PXT1: variants seen among roughly 807,000 people sequenced by gnomAD.
PXT1 encodes peroxisomal testis enriched protein 1, also known as peroxisomal testis-specific protein 1.
In PXT1, 11 loss-of-function variants were observed where a neutral mutation model predicts 11.0. The ratio of observed to expected loss-of-function variants is 1.00; its 90% confidence interval spans 0.63 to 1.66. The LOEUF is 1.66. Ranked by LOEUF, PXT1 falls within the 40% of genes most tolerant of loss-of-function variation. The probability of loss-of-function intolerance (pLI) is 0.00; values close to 1 mark genes in which losing one functional copy is unlikely to be tolerated. For missense variants in PXT1, 141 were observed against 155.5 expected, an observed-to-expected ratio of 0.91 and a Z score of 0.49; for synonymous variants, 43 against 51.4, an observed-to-expected ratio of 0.84 and a Z score of 0.70.
chr6:36,418,245 G>A (rs1472963877), intron 3 of PXT1, among the ~76,000 whole-genome samples: 1 of 152,036 alleles, frequency 6.6e-6, no homozygotes, highest in South Asian at 2.1e-4. Flanking sequence ...AATACACATA[G>A]GTTTGTTGTT....
intron 2 of PXT1, among the ~76,000 whole-genome samples, chr6:36,438,458 CTGTCGCCCAGGCTGGAG>C (rs1774801560): frequency 6.6e-6 from 1 of 152,148 alleles, no homozygotes; most frequent in Non-Finnish European, 1.5e-5. Context: ...GAGTCTCGCT[CTGTCGCCCAGGCTGGAG>C]TGCAGTGGCG....
chr6:36,416,898 A>G (rs1774456920), intron 3 of PXT1, among the ~76,000 whole-genome samples: 5 of 152,260 alleles, frequency 3.3e-5, no homozygotes, highest in Admixed American at 3.3e-4. Context: ...GGGAACAAAT[A>G]GAAGGCTCCA....
intron 3 of PXT1, 117 bp downstream of exon 3, chr6:36,425,797 A>AAACAAAAACAAACAAAC (rs1312368399): frequency 3.2e-6 from 1 of 309,258 alleles, no homozygotes; most frequent in African/African-American, 4.1e-5. Flanking sequence ...CAAAAAACAA[A>AAACAAAAACAAACAAAC]AACAAAAAAT....
chr6:36,439,307 T>C (rs1158251198), intron 1 of PXT1, among the ~76,000 whole-genome samples: 1 of 151,330 alleles, frequency 6.6e-6, no homozygotes, highest in Non-Finnish European at 1.5e-5. Context: ...CCAAATGCAG[T>C]TTATTTAAAA....
chr6:36,438,084 T>C (rs144894654), intron 2 of PXT1, among the ~76,000 whole-genome samples: 16,394 of 152,090 alleles, frequency 0.11, 1,153 homozygotes, highest in South Asian at 0.24. Context: ...CCTCCCAAAG[T>C]GCTGGGATTA....
At chr6:36,431,594 G>A (rs911295038) in intron 2 of PXT1, among the ~76,000 whole-genome samples, 2 of 151,960 alleles carry the variant, frequency 1.3e-5, no homozygotes, top group South Asian at 2.1e-4. Context: ...TGATGAAACC[G>A]TGTCTCTACA....
intron 2 of PXT1, among the ~76,000 whole-genome samples, chr6:36,430,795 A>T (rs1012137765): frequency 2.6e-5 from 4 of 151,702 alleles, no homozygotes; most frequent in Non-Finnish European, 5.9e-5. Context: ...GTTTTATTTA[A>T]TTTTTTTTTA....
intron 3 of PXT1, among the ~76,000 whole-genome samples, chr6:36,404,653 TA>T (rs552096679): frequency 2.0e-3 from 274 of 137,928 alleles, no homozygotes; most frequent in Middle Eastern, 7.3e-3. Flanking sequence ...TTCTACTTAC[TA>T]AAAAAAAAAA....
At chr6:36,437,122 A>C (rs966791770) in intron 2 of PXT1, among the ~76,000 whole-genome samples, 5 of 152,102 alleles carry the variant, frequency 3.3e-5, no homozygotes, top group African/African-American at 1.2e-4. Context: ...CCCTGTCTCT[A>C]CTAAAAATAC....
At chr6:36,394,487 A>C (rs1033482010) in intron 4 of PXT1, among the ~76,000 whole-genome samples, 1 of 152,150 alleles carries the variant, frequency 6.6e-6, no homozygotes, top group African/African-American at 2.4e-5. Flanking sequence ...ATTCGAGGTG[A>C]GTTAAATAAA....
Position 36,391,673 on chromosome 6 carries a change from C to A in PXT1, c.*97G>T, listed in dbSNP as rs565399763. ...AGTGATGGGTACAAAAAGAGGGAGA[C>A]GGAGAAGGGTGTTCTTCCCATCTGT... On this transcript the variant is annotated 3_prime_UTR_variant, in exon 5 of 5. Coordinates refer to ENST00000454782, the MANE Select transcript of PXT1 (RefSeq NM_152990.4). The A allele has an allele frequency of 2.6e-5, 22 of 841,640 alleles. 1 individual carries two copies. In the South Asian group the frequency reaches 3.1e-4, roughly 12 times the overall value. The allele number at this position is 841,640 out of a possible 1,614,324, so 52.1% of individuals were successfully genotyped here.
At chr6:36,400,042 C>G (rs1000306010) in intron 4 of PXT1, among the ~76,000 whole-genome samples, 1 of 152,178 alleles carries the variant, frequency 6.6e-6, no homozygotes, top group African/African-American at 2.4e-5. Flanking sequence ...AGGCATCTGT[C>G]GTTTTTAAAA....
At chr6:36,397,861 A>T (rs79635242) in intron 4 of PXT1, among the ~76,000 whole-genome samples, 38 of 152,218 alleles carry the variant, frequency 2.5e-4, no homozygotes, top group African/African-American at 8.9e-4. Flanking sequence ...AATAAAAATT[A>T]AAAAATTAGC....
intron 4 of PXT1, among the ~76,000 whole-genome samples, chr6:36,399,691 C>G (rs1479226438): frequency 6.6e-6 from 1 of 152,160 alleles, no homozygotes; most frequent in Non-Finnish European, 1.5e-5. Context: ...CCCCGTCTGT[C>G]ACAAAGCCCA....
chr6:36,405,350 A>G (rs1774272827), intron 3 of PXT1, among the ~76,000 whole-genome samples: 1 of 152,034 alleles, frequency 6.6e-6, no homozygotes, highest in Non-Finnish European at 1.5e-5. Context: ...CAGTAAGCTA[A>G]GGTTAATTTA....
At chr6:36,401,596 A>G (rs1427200004) in intron 3 of PXT1, among the ~76,000 whole-genome samples, 1 of 146,550 alleles carries the variant, frequency 6.8e-6, no homozygotes, top group African/African-American at 2.5e-5. Flanking sequence ...AGCCTGAGCA[A>G]CAGAGCAAGA....
intron 3 of PXT1, among the ~76,000 whole-genome samples, chr6:36,400,820 A>C (rs545659361): frequency 2.8e-4 from 43 of 152,202 alleles, no homozygotes; most frequent in African/African-American, 1.0e-3. Context: ...AATACAAAAA[A>C]TTAGCTGGAT....
chr6:36,400,932 T>C lies in PXT1; in HGVS notation c.170-348A>G, dbSNP rs183800651. Among the ~76,000 whole-genome samples the C allele has an allele frequency of 7.2e-5, 11 of 152,046 alleles. No individual in the cohort carries two copies. In the East Asian group the frequency reaches 1.7e-3, roughly 24 times the overall value. On this transcript the variant is annotated intron_variant, in intron 3 of 4. Coordinates refer to ENST00000454782, the MANE Select transcript of PXT1 (RefSeq NM_152990.4). ...TTGCAGTGAGCCAAGATTGCACCATTGCACTCCAGTCTGGGTGACAAGAGC... is the reference window on the plus strand; with the variant it reads ...TTGCAGTGAGCCAAGATTGCACCATCGCACTCCAGTCTGGGTGACAAGAGC...
At chr6:36,395,278 C>T (rs1055165740) in intron 4 of PXT1, among the ~76,000 whole-genome samples, 7 of 152,052 alleles carry the variant, frequency 4.6e-5, no homozygotes, top group African/African-American at 1.7e-4. Flanking sequence ...ATAGGCAGTT[C>T]CAAGAGCAAG....
Sources: allele counts gnomAD v4.1 joint callset (sites outside exome capture counted in the v4.1 genomes callset), GRCh38; gene constraint gnomAD v4.1.1; transcripts MANE v1.5; gene names NCBI Gene and HGNC (gene_info 2026-07-23, HGNC 2026-07-21).